TLN2: variants seen among roughly 807,000 people sequenced by gnomAD.
TLN2 encodes talin 2.
TLN2 carries 118 observed loss-of-function variants against 294.7 expected under a neutral mutation model. The observed-to-expected ratio is 0.40, with a 90% CI of 0.34 to 0.47. The LOEUF (loss-of-function observed/expected upper bound fraction) is 0.47, where lower values mean the gene tolerates loss of function less well. TLN2 is among the 20% of genes least tolerant of loss of function. TLN2 has a pLI of 0.84. For synonymous variants in TLN2, 1,431 were observed against 1,304.5 expected, an observed-to-expected ratio of 1.10 and a Z score of -2.09; for missense variants, 3,083 against 3,282.2, an observed-to-expected ratio of 0.94 and a Z score of 1.48.
chr15:62,641,517 G>A (rs1242873427), intron 3 of TLN2, among the ~76,000 whole-genome samples: 1 of 152,030 alleles, frequency 6.6e-6, no homozygotes. Flanking sequence ...TCGGGAGGCT[G>A]AGGCAGGAGA....
intron 21 of TLN2, among the ~76,000 whole-genome samples, chr15:62,709,013 T>G (rs906233229): frequency 2.0e-5 from 3 of 152,232 alleles, no homozygotes; most frequent in Admixed American, 6.5e-5. Context: ...TTTGTTATAA[T>G]GGTTAGATTT....
chr15:62,750,771 G>A (rs551870173), intron 34 of TLN2, among the ~76,000 whole-genome samples: 1 of 152,226 alleles, frequency 6.6e-6, no homozygotes, highest in African/African-American at 2.4e-5. Context: ...CTATCTCCCA[G>A]GTCCTGCCCC....
At chr15:62,622,512 A>C (rs1236000286) in intron 3 of TLN2, among the ~76,000 whole-genome samples, 7 of 152,166 alleles carry the variant, frequency 4.6e-5, no homozygotes, top group Admixed American at 2.6e-4. Context: ...CTTGATAATC[A>C]TGAAGGGGAC....
intron 1 of TLN2, among the ~76,000 whole-genome samples, chr15:62,549,769 A>G (rs912572215): frequency 7.9e-5 from 12 of 152,160 alleles, no homozygotes; most frequent in African/African-American, 2.4e-4. Context: ...GGCTTAGGGA[A>G]TTGGATAGGG....
intron 51 of TLN2, among the ~76,000 whole-genome samples, chr15:62,806,097 A>T (rs889502771): frequency 6.6e-6 from 1 of 152,100 alleles, no homozygotes; most frequent in South Asian, 2.1e-4. Context: ...AATAGTAGCT[A>T]TGGCAGGAGG....
chr15:62,650,753 C>T (rs889745821), intron 5 of TLN2, among the ~76,000 whole-genome samples: 2 of 152,018 alleles, frequency 1.3e-5, no homozygotes. Flanking sequence ...TGAAGTGCAC[C>T]CATCAGATTG....
At chr15:62,620,938 A>T (rs1409274067) in intron 3 of TLN2, among the ~76,000 whole-genome samples, 4 of 144,072 alleles carry the variant, frequency 2.8e-5, no homozygotes, top group Non-Finnish European at 1.5e-5. Flanking sequence ...TCCCGGGTTC[A>T]CACTGTTCTC....
At chr15:62,563,515 T>A (rs766405823) in intron 1 of TLN2, among the ~76,000 whole-genome samples, 7 of 152,206 alleles carry the variant, frequency 4.6e-5, no homozygotes, top group Non-Finnish European at 8.8e-5. Flanking sequence ...GTATAGACTG[T>A]GAAGATTTTC....
chr15:62,714,457 C>T (rs886804254), intron 22 of TLN2, among the ~76,000 whole-genome samples: 46 of 152,178 alleles, frequency 3.0e-4, no homozygotes, highest in African/African-American at 1.0e-3. Context: ...CCGCCTCGGC[C>T]TCCCAAAGTG....
chr15:62,488,508 A>G (rs186395692), intron 1 of TLN2, among the ~76,000 whole-genome samples: 478 of 152,350 alleles, frequency 3.1e-3, no homozygotes, highest in Non-Finnish European at 5.6e-3. Flanking sequence ...AGCAGGATCC[A>G]GTGGGACTAC....
At chr15:62,576,595 ATTTTT>A (rs3055751) in intron 1 of TLN2, among the ~76,000 whole-genome samples, 12 of 103,034 alleles carry the variant, frequency 1.2e-4, no homozygotes, top group Non-Finnish European at 1.3e-4. Flanking sequence ...ATTGCTCTGT[ATTTTT>A]TTTTTTTTTT....
Position 62,707,016 on chromosome 15 carries a change from C to T in TLN2, c.2005-70C>T, listed in dbSNP as rs75810253. The stretch of plus-strand genomic sequence containing the variant: ...AAAAGATCAAATGGAATTTTAATAA[C>T]GTTTATTTTCAGGCTGTGAAAGGTG... On this transcript the variant is annotated intron_variant, in intron 19 of 58. Coordinates refer to ENST00000636159, the MANE Select transcript of TLN2 (RefSeq NM_015059.3). 6,380 of 1,462,308 alleles carry T rather than the reference C, an allele frequency of 4.4e-3. 222 individuals carry two copies. In the African/African-American group the frequency reaches 0.078, roughly 18 times the overall value. 90.6% of individuals were successfully genotyped at this position (1,462,308 alleles called of 1,614,324 possible). A position where few individuals can be genotyped will look rare whatever the true frequency, so the allele number is the denominator to read the frequency against.
chr15:62,677,002 T>A (rs2056284436), intron 11 of TLN2, among the ~76,000 whole-genome samples: 1 of 152,198 alleles, frequency 6.6e-6, no homozygotes, highest in Admixed American at 6.5e-5. Context: ...AGCCAGGACT[T>A]GAATTCACGT....
chr15:62,493,411 T>C (rs953194170), intron 1 of TLN2, among the ~76,000 whole-genome samples: 14 of 152,140 alleles, frequency 9.2e-5, no homozygotes, highest in African/African-American at 3.4e-4. Flanking sequence ...GTTAACAACA[T>C]ACATGCCTGG....
chr15:62,667,676 C>T (rs1369605141), intron 9 of TLN2, among the ~76,000 whole-genome samples: 1 of 152,184 alleles, frequency 6.6e-6, no homozygotes, highest in Non-Finnish European at 1.5e-5. Flanking sequence ...GACTTGATGG[C>T]AGCCCTGGGA....
At chr15:62,800,303 G>T (rs956397896) in intron 48 of TLN2, 65 bp from the exon 49 acceptor site, 6 of 1,578,302 alleles carry the variant, frequency 3.8e-6, no homozygotes, top group Non-Finnish European at 5.1e-6. Context: ...CAGGCTGCAT[G>T]CCTTGGTAAA....
chr15:62,674,272 A>C (rs2055859549), intron 10 of TLN2, among the ~76,000 whole-genome samples: 1 of 152,220 alleles, frequency 6.6e-6, no homozygotes, highest in Non-Finnish European at 1.5e-5. Flanking sequence ...TTAAAAATCC[A>C]GAATTATCCT....
At chr15:62,641,019 C>T (rs1376470519) in intron 3 of TLN2, among the ~76,000 whole-genome samples, 2 of 151,412 alleles carry the variant, frequency 1.3e-5, no homozygotes, top group African/African-American at 2.4e-5. Flanking sequence ...CCAGGCTGGT[C>T]TCAAACTCCT....
intron 12 of TLN2, among the ~76,000 whole-genome samples, chr15:62,689,549 T>G (rs1482385705): frequency 1.3e-5 from 2 of 152,152 alleles, no homozygotes; most frequent in Non-Finnish European, 2.9e-5. Context: ...CTTTAGCTAT[T>G]TGTTAAGGGT....
Sources: allele counts gnomAD v4.1 joint callset (sites outside exome capture counted in the v4.1 genomes callset), GRCh38; gene constraint gnomAD v4.1.1; transcripts MANE v1.5; gene names NCBI Gene and HGNC (gene_info 2026-07-23, HGNC 2026-07-21).